Variants in WDPCP observed in about 807,000 individuals in gnomAD.
WDPCP encodes the protein WD repeat-containing and planar cell polarity effector protein fritz homolog.
A neutral mutation model predicts 93.1 loss-of-function variants in WDPCP; 71 were observed. That is an observed-to-expected ratio of 0.76 (90% CI 0.63 to 0.93). The LOEUF is 0.93. Ranked by LOEUF, WDPCP falls within the 40% of genes least tolerant of loss-of-function variation. The probability of loss-of-function intolerance (pLI) is 0.00; values close to 1 mark genes in which losing one functional copy is unlikely to be tolerated. For missense variants in WDPCP, 844 were observed against 887.4 expected, an observed-to-expected ratio of 0.95 and a Z score of 0.62; for synonymous variants, 315 against 315.0, an observed-to-expected ratio of 1.00 and a Z score of 0.00.
chr2:63,415,409 G>A (rs1389796760), intron 9 of WDPCP, among the ~76,000 whole-genome samples: 1 of 152,014 alleles, frequency 6.6e-6, no homozygotes, highest in East Asian at 1.9e-4. Context: ...TCCGTAAAGA[G>A]TAACCTCACC....
intron 12 of WDPCP, among the ~76,000 whole-genome samples, chr2:63,344,709 C>T (rs1378817409): frequency 6.6e-6 from 1 of 152,184 alleles, no homozygotes; most frequent in Non-Finnish European, 1.5e-5. Context: ...GCTTTAGATA[C>T]ACACTGCCAG....
At chr2:63,696,656 G>C (rs1668965447) in intron 2 of WDPCP, among the ~76,000 whole-genome samples, 1 of 152,206 alleles carries the variant, frequency 6.6e-6, no homozygotes, top group Non-Finnish European at 1.5e-5. Context: ...CCACGTGGCT[G>C]AGACACCCAT....
the WDPCP span, among the ~76,000 whole-genome samples, chr2:63,840,778 A>G: frequency 2.6e-5 from 4 of 152,218 alleles, no homozygotes; most frequent in Admixed American, 6.5e-5. Flanking sequence ...CCTGGCCGCA[A>G]CGCCGCCGTA....
chr2:63,608,192 T>TA (rs1434833326), intron 3 of WDPCP, among the ~76,000 whole-genome samples: 3 of 152,110 alleles, frequency 2.0e-5, no homozygotes, highest in Non-Finnish European at 2.9e-5. Context: ...TTCATTATAT[T>TA]AAAAAAATGG....
At chr2:63,380,868 T>A (rs1692245149) in intron 11 of WDPCP, among the ~76,000 whole-genome samples, 3 of 152,166 alleles carry the variant, frequency 2.0e-5, no homozygotes, top group South Asian at 4.1e-4. Context: ...TGGAAAAGCA[T>A]GTACTTACTA....
intron 14 of WDPCP, among the ~76,000 whole-genome samples, chr2:63,215,341 G>A (rs1267444183): frequency 6.6e-6 from 1 of 152,104 alleles, no homozygotes; most frequent in Admixed American, 6.5e-5. Flanking sequence ...AAATAGCATG[G>A]TGCTGGTACC....
At chr2:63,225,293 A>G (rs1678192994) in intron 14 of WDPCP, among the ~76,000 whole-genome samples, 1 of 151,920 alleles carries the variant, frequency 6.6e-6, no homozygotes, top group Non-Finnish European at 1.5e-5. Flanking sequence ...CAAATTCCCA[A>G]TAAACATATA....
intron 2 of WDPCP, among the ~76,000 whole-genome samples, chr2:63,750,195 G>T (rs1251123344): frequency 2.0e-5 from 3 of 152,044 alleles, no homozygotes; most frequent in African/African-American, 7.2e-5. Flanking sequence ...GCATCAGAAT[G>T]GATGAGAGAT....
At chr2:63,674,301 C>A (rs1710378724) in intron 2 of WDPCP, among the ~76,000 whole-genome samples, 1 of 152,004 alleles carries the variant, frequency 6.6e-6, no homozygotes, top group African/African-American at 2.4e-5. Flanking sequence ...TCAAAGCTTG[C>A]CATGGGTTTT....
chr2:63,138,995 C>G (rs1670849953), intron 17 of WDPCP, among the ~76,000 whole-genome samples: 2 of 152,280 alleles, frequency 1.3e-5, no homozygotes, highest in East Asian at 3.9e-4. Context: ...ATAATAGTCT[C>G]TAATCTCATC....
intron 13 of WDPCP, among the ~76,000 whole-genome samples, chr2:63,283,661 A>G (rs912472232): frequency 2.0e-5 from 3 of 152,206 alleles, no homozygotes; most frequent in African/African-American, 7.2e-5. Context: ...CTCCAATACA[A>G]TAACACGCTC....
At chr2:63,593,412 ATT>A (rs34641495), upstream of WDPCP, 39 of 330,024 alleles carry the variant, frequency 1.2e-4, no homozygotes, top group Non-Finnish European at 1.7e-4. Context: ...CTTTTTTGAA[ATT>A]TTTTTTTTTC....
chr2:63,765,266 C>T (rs1670120179), intron 2 of WDPCP, among the ~76,000 whole-genome samples: 1 of 152,032 alleles, frequency 6.6e-6, no homozygotes, highest in African/African-American at 2.4e-5. Context: ...GAGATCTGAA[C>T]AATAAAGGGT....
At chr2:63,539,759 T>A (rs1305597667) in intron 1 of WDPCP, among the ~76,000 whole-genome samples, 1 of 152,232 alleles carries the variant, frequency 6.6e-6, no homozygotes, top group African/African-American at 2.4e-5. Flanking sequence ...AGTAATATAT[T>A]TCTTTCCAGT....
intron 14 of WDPCP, among the ~76,000 whole-genome samples, chr2:63,223,010 C>T (rs1206958395): frequency 6.6e-6 from 1 of 151,904 alleles, no homozygotes; most frequent in African/African-American, 2.4e-5. Flanking sequence ...GGAAAATGAT[C>T]CTAACAAACC....
At chr2:63,622,326 A>G in intron 3 of WDPCP, 3 of 1,597,086 alleles carry the variant, frequency 1.9e-6, no homozygotes, top group Non-Finnish European at 2.6e-6. Context: ...CTCGCCTTGC[A>G]GCTTAGTCAA....
chr2:63,673,515 T>A (rs1225120164), intron 2 of WDPCP, among the ~76,000 whole-genome samples: 1 of 152,162 alleles, frequency 6.6e-6, no homozygotes, highest in Non-Finnish European at 1.5e-5. Context: ...CAGGCAGGAA[T>A]GGCCTGATTT....
chr2:63,447,280 G>A (rs1422371438), intron 6 of WDPCP, among the ~76,000 whole-genome samples: 1 of 152,020 alleles, frequency 6.6e-6, no homozygotes, highest in Non-Finnish European at 1.5e-5. Context: ...ATCTCACAGA[G>A]ATAAAATTGG....
At chr2:63,250,651 C>A (rs1027562440) in intron 14 of WDPCP, among the ~76,000 whole-genome samples, 1 of 152,000 alleles carries the variant, frequency 6.6e-6, no homozygotes, top group Non-Finnish European at 1.5e-5. Flanking sequence ...TTGCCTAGAA[C>A]AATGAGAAAG....
Sources: allele counts gnomAD v4.1 joint callset (sites outside exome capture counted in the v4.1 genomes callset), GRCh38; gene constraint gnomAD v4.1.1; transcripts MANE v1.5; gene names NCBI Gene and HGNC (gene_info 2026-07-23, HGNC 2026-07-21).